AXDND1: variants seen among roughly 807,000 people sequenced by gnomAD.
AXDND1 encodes the protein axonemal dynein light chain domain-containing protein 1.
AXDND1 carries 110 observed loss-of-function variants against 137.5 expected under a neutral mutation model. The ratio of observed to expected loss-of-function variants is 0.80; its 90% CI spans 0.69 to 0.94. AXDND1 has a LOEUF of 0.94. AXDND1 is among the 40% of genes least tolerant of loss of function. The pLI, the probability that AXDND1 is intolerant of heterozygous loss-of-function variation, is 0.00. For missense variants in AXDND1, 1,191 were observed against 1,169.8 expected (o/e 1.02, Z -0.26); for synonymous variants, 414 against 399.7 (o/e 1.04, Z -0.43).
chr1:179,421,785 C>T (rs1655777451), intron 12 of AXDND1, among the ~76,000 whole-genome samples: 3 of 151,760 alleles, frequency 2.0e-5, no homozygotes, highest in African/African-American at 4.8e-5. Flanking sequence ...CACCTGTTAT[C>T]GTAGCACTTT....
chr1:179,374,147 T>A (rs953888904), intron 4 of AXDND1, among the ~76,000 whole-genome samples: 13 of 151,938 alleles, frequency 8.6e-5, no homozygotes, highest in Non-Finnish European at 1.8e-4. Context: ...AAACAACCCC[T>A]TCAAAAAGTG....
chr1:179,441,202 G>A (rs1658936088), intron 15 of AXDND1, among the ~76,000 whole-genome samples: 1 of 152,176 alleles, frequency 6.6e-6, no homozygotes. Flanking sequence ...TTGGCCCATT[G>A]ATTTCCTTTG....
intron 12 of AXDND1, among the ~76,000 whole-genome samples, chr1:179,419,561 G>A (rs1655332243): frequency 6.8e-6 from 1 of 147,136 alleles, no homozygotes; most frequent in East Asian, 2.1e-4. Flanking sequence ...CGAGATGGCA[G>A]CAGTACAGTC....
rs1558256558 is a variant in AXDND1 at position 179,488,640 on chromosome 1, TTTC to T, written c.2092-2895_2092-2893del. Among the ~76,000 whole-genome samples the T allele has an allele frequency of 1.8e-3, 64 of 36,494 alleles. 2 individuals carry two copies. The highest frequency in any genetic ancestry group is 5.7e-4 in the East Asian group (1 of 1,764). The allele number at this position is 36,494 out of a possible 152,430, so 23.9% of individuals were successfully genotyped here. On this transcript the variant is annotated intron_variant, in intron 18 of 25. Transcript: ENST00000367618. Reference sequence around the variant, plus strand: ...TCTTTCTCTCTCTCTCTCTCCTTTCTTTCTTTCTTTCTTTCTTTCTTTCTTTCT... The same window carrying T: ...TCTTTCTCTCTCTCTCTCTCCTTTCTTTTCTTTCTTTCTTTCTTTCTTTCT...
intron 4 of AXDND1, among the ~76,000 whole-genome samples, chr1:179,374,563 T>G (rs537142432): frequency 6.6e-6 from 1 of 152,200 alleles, no homozygotes; most frequent in South Asian, 2.1e-4. Flanking sequence ...TAGCAAAGAC[T>G]TGGAACCAAC....
At chr1:179,407,847 T>G (rs1334280744) in intron 11 of AXDND1, among the ~76,000 whole-genome samples, 2 of 152,180 alleles carry the variant, frequency 1.3e-5, no homozygotes, top group African/African-American at 2.4e-5. Context: ...TTTCTGTGTC[T>G]TTGTCCATCT....
rs760815235 is a variant in AXDND1 at position 179,528,386 on chromosome 1, T to C, written c.2670T>C (p.Asn890=). 2 of 1,613,898 alleles carry C rather than the reference T, an allele frequency of 1.2e-6. No homozygotes were observed. Among genetic ancestry groups the C allele is most frequent in the African/African-American group, 1.3e-5 (1 of 74,928 alleles). The change falls in exon 23 of 26, where the codon AAT becomes AAC. Residue 890 remains asparagine (N), a synonymous_variant. Coordinates refer to ENST00000367618, the MANE Select transcript of AXDND1 (RefSeq NM_144696.6). ...KLIRFIGEDE[N]VHSKPLFETD... ...TTCGATTCATTGGAGAAGATGAAAATGTTCATTCCAAACCTCTATTTGAAA... is the reference window on the plus strand; with the variant it reads ...TTCGATTCATTGGAGAAGATGAAAACGTTCATTCCAAACCTCTATTTGAAA...
chr1:179,491,084 G>A (rs6425568), intron 18 of AXDND1, among the ~76,000 whole-genome samples: 69,322 of 151,928 alleles, frequency 0.46, 16,693 homozygotes, highest in East Asian at 0.76. Context: ...AGCACTTTGG[G>A]AGGCTGAGGT....
rs371902390 is a variant in AXDND1, at chr1:179,402,550, GTTAC to G, written c.1109+7355_1109+7358del. On this transcript the variant is annotated intron_variant, in intron 11 of 25. Coordinates refer to ENST00000367618, the MANE Select transcript of AXDND1 (RefSeq NM_144696.6). The stretch of plus-strand genomic sequence containing the variant: ...TTGTTTGTATACTTTCATATCCCCT[GTTAC>G]TTACTTGAGAAACTTGCAGCAAACG... 1.2e-3 allele frequency among the ~76,000 whole-genome samples: 187 copies of G among 152,166 alleles called. 3 individuals are homozygous for G. The South Asian group carries it at 0.035, about 28-fold the overall frequency.
At chr1:179,372,573 TG>T (rs61147874) in intron 4 of AXDND1, among the ~76,000 whole-genome samples, 17,458 of 152,194 alleles carry the variant, frequency 0.11, 1,175 homozygotes, top group East Asian at 0.35. Flanking sequence ...GAATCAAAGT[TG>T]TTTTGTTTTG....
intron 25 of AXDND1, among the ~76,000 whole-genome samples, chr1:179,538,351 A>G (rs1247962215): frequency 6.6e-6 from 1 of 152,204 alleles, no homozygotes; most frequent in East Asian, 1.9e-4. Flanking sequence ...TTCCCTCTAC[A>G]CACTGCTTTA....
chr1:179,426,473 CATTTGCATGTACT>C (rs148725566), intron 12 of AXDND1, among the ~76,000 whole-genome samples: 2,674 of 152,178 alleles, frequency 0.018, 65 homozygotes, highest in African/African-American at 0.059. Flanking sequence ...TAAACATGAA[CATTTGCATGTACT>C]ATTGATGGGC....
chr1:179,422,267 TAA>T (rs373056212), intron 12 of AXDND1, among the ~76,000 whole-genome samples: 97,253 of 151,490 alleles, frequency 0.64, 31,582 homozygotes, highest in Middle Eastern at 0.7. Context: ...TTTATAACAA[TAA>T]ATTATAAACT....
At chr1:179,456,349 C>G (rs1164437614) in intron 16 of AXDND1, 1 of 770,136 alleles carries the variant, frequency 1.3e-6, no homozygotes, top group Non-Finnish European at 2.3e-6. Flanking sequence ...CCAAAGTTTC[C>G]TCCCTTCGTG....
At position 179,380,021 on chromosome 1, in the gene AXDND1, G is replaced by A. The variant is rs1266223042; in HGVS notation, c.581+539G>A. Among the ~76,000 whole-genome samples the A allele has an allele frequency of 5.3e-5, 8 of 152,176 alleles. 1 individual carries two copies. The South Asian group carries it at 1.5e-3, about 28-fold the overall frequency. On this transcript the variant is annotated intron_variant, in intron 6 of 25. Transcript: ENST00000367618. ...TCCCAGCACTTTGGGAGGCTGAGGC[G>A]AGCAGATCACGAGGTCGGGAGATCA...
At chr1:179,465,623 G>A (rs1224447237) in intron 16 of AXDND1, among the ~76,000 whole-genome samples, 1 of 152,290 alleles carries the variant, frequency 6.6e-6, no homozygotes, top group Non-Finnish European at 1.5e-5. Context: ...ACTCTGTGCT[G>A]GGAGAACCAC....
At chr1:179,393,324 A>G (rs999503759) in intron 9 of AXDND1, among the ~76,000 whole-genome samples, 9 of 152,166 alleles carry the variant, frequency 5.9e-5, no homozygotes, top group Non-Finnish European at 8.8e-5. Flanking sequence ...CCGTTGGTCT[A>G]TGTGCCTATT....
intron 20 of AXDND1, among the ~76,000 whole-genome samples, chr1:179,506,201 A>T (rs963021149): frequency 6.6e-6 from 1 of 152,024 alleles, no homozygotes; most frequent in Non-Finnish European, 1.5e-5. Flanking sequence ...AAGGACCTAG[A>T]ATTAGAGTCA....
chr1:179,409,996 T>C (rs145972787), intron 11 of AXDND1, among the ~76,000 whole-genome samples: 105 of 152,290 alleles, frequency 6.9e-4, no homozygotes, highest in African/African-American at 2.5e-3. Context: ...AATTCTCTTT[T>C]GATAATTGAG....
Sources: gnomAD v4.1 joint callset for allele counts (sites outside exome capture counted in the v4.1 genomes callset) on GRCh38, gnomAD v4.1.1 for gene constraint, MANE v1.5 for transcripts, NCBI Gene and HGNC (gene_info 2026-07-23, HGNC 2026-07-21) for gene names.